Variants in ARHGAP10 observed in about 807,000 individuals in gnomAD.
ARHGAP10 encodes Rho GTPase activating protein 10.
In ARHGAP10, 87 loss-of-function variants were observed where a neutral mutation model predicts 108.6. The ratio of observed to expected loss-of-function variants is 0.80; its 90% CI spans 0.67 to 0.96. The LOEUF is 0.96. Among genes scored for constraint, ARHGAP10 ranks in the 40% least tolerant of loss-of-function variants. ARHGAP10 has a pLI of 0.00. For synonymous variants in ARHGAP10, 347 were observed against 341.1 expected, an observed-to-expected ratio of 1.02 and a Z score of -0.19; for missense variants, 939 against 954.5, an observed-to-expected ratio of 0.98 and a Z score of 0.21.
chr4:147,836,342 A>G (rs1733170075), intron 3 of ARHGAP10, among the ~76,000 whole-genome samples: 1 of 152,170 alleles, frequency 6.6e-6, no homozygotes, highest in South Asian at 2.1e-4. Context: ...CTTTAATAGG[A>G]CTAGGTTTCA....
intron 11 of ARHGAP10, among the ~76,000 whole-genome samples, chr4:147,908,968 A>G (rs1200209736): frequency 6.6e-6 from 1 of 152,126 alleles, no homozygotes; most frequent in Non-Finnish European, 1.5e-5. Flanking sequence ...AACACAGCGC[A>G]CTATCTGCCT....
intron 3 of ARHGAP10, among the ~76,000 whole-genome samples, chr4:147,828,971 C>G (rs1732834634): frequency 6.6e-6 from 1 of 151,762 alleles, no homozygotes; most frequent in African/African-American, 2.4e-5. Flanking sequence ...TTCTGGCTCC[C>G]AGGTTCAAGC....
In ARHGAP10 at chr4:147,911,853, G is replaced by A. The variant is rs542332439; in HGVS notation, c.1163-1221G>A. On this transcript the variant is annotated intron_variant, in intron 12 of 22. Coordinates refer to ENST00000336498, the MANE Select transcript of ARHGAP10 (RefSeq NM_024605.4). The stretch of plus-strand genomic sequence containing the variant: ...TAAAATATTATTTTAAAAGCTTGGA[G>A]CATGGTGTAAAATATCAAAATTTTA... Among the ~76,000 whole-genome samples the A allele has an allele frequency of 4.0e-5, 6 of 151,578 alleles. No homozygotes were observed. In the East Asian group the frequency reaches 9.7e-4, roughly 24 times the overall value.
At chr4:147,984,042 C>T (rs988604095) in intron 18 of ARHGAP10, among the ~76,000 whole-genome samples, 3 of 152,058 alleles carry the variant, frequency 2.0e-5, no homozygotes, top group African/African-American at 7.2e-5. Flanking sequence ...GGCTACGTTT[C>T]TGGGTATTTT....
intron 1 of ARHGAP10, among the ~76,000 whole-genome samples, chr4:147,753,917 A>C (rs976889208): frequency 7.9e-5 from 12 of 152,214 alleles, no homozygotes; most frequent in Admixed American, 2.6e-4. Flanking sequence ...CAAATTGAGC[A>C]AAGATGATGT....
intron 10 of ARHGAP10, among the ~76,000 whole-genome samples, chr4:147,901,317 G>A (rs1282583225): frequency 1.3e-5 from 2 of 152,218 alleles, no homozygotes; most frequent in Admixed American, 6.5e-5. Flanking sequence ...TTTGTGAGAG[G>A]GTGGGAACCC....
At chr4:148,055,038 A>G (rs964574006) in intron 20 of ARHGAP10, among the ~76,000 whole-genome samples, 26 of 152,280 alleles carry the variant, frequency 1.7e-4, no homozygotes, top group African/African-American at 5.3e-4. Flanking sequence ...TTTCTGTTCA[A>G]CTAGCAAGCT....
In ARHGAP10 at chr4:147,822,976, AAATT is replaced by A; in HGVS notation, c.312+23_312+26del. The stretch of plus-strand genomic sequence containing the variant: ...AATTATGGTGAGTTGAGAGGGGTGT[AAATT>A]AATAAGTCAGCTTTCAAGGGGGAAA... On this transcript the variant is annotated intron_variant, in intron 3 of 22. Coordinates refer to ENST00000336498, the MANE Select transcript of ARHGAP10 (RefSeq NM_024605.4). 1 of 1,603,454 alleles carries A rather than the reference AAATT, an allele frequency of 6.2e-7. No homozygotes were observed. Among genetic ancestry groups the A allele is most frequent in the Non-Finnish European group, 8.5e-7 (1 of 1,171,456 alleles).
chr4:147,980,338 A>G (rs1739766086), intron 18 of ARHGAP10, among the ~76,000 whole-genome samples: 1 of 152,124 alleles, frequency 6.6e-6, no homozygotes. Flanking sequence ...GGTAAATCAC[A>G]TTTATTGATT....
chr4:147,784,546 G>T (rs1402659293), intron 1 of ARHGAP10, among the ~76,000 whole-genome samples: 3 of 110,072 alleles, frequency 2.7e-5, no homozygotes, highest in South Asian at 2.6e-4. Context: ...ATATTTTATA[G>T]TATATATTAT....
At chr4:147,857,865 C>A in intron 5 of ARHGAP10, 1 of 274,230 alleles carries the variant, frequency 3.6e-6, no homozygotes, top group Non-Finnish European at 6.3e-6. Flanking sequence ...GCTATGGATT[C>A]ATAGTAGTAA....
At chr4:147,922,411 CG>C (rs1366918930) in intron 13 of ARHGAP10, among the ~76,000 whole-genome samples, 2 of 151,714 alleles carry the variant, frequency 1.3e-5, no homozygotes, top group Non-Finnish European at 2.9e-5. Flanking sequence ...AAAAGTTGGC[CG>C]GGCGCGGTGG....
At chr4:147,809,965 T>G (rs1731951309) in intron 1 of ARHGAP10, among the ~76,000 whole-genome samples, 1 of 152,244 alleles carries the variant, frequency 6.6e-6, no homozygotes, top group South Asian at 2.1e-4. Context: ...ATATGCTAAA[T>G]TTTAAGGTTG....
At chr4:147,864,759 C>A in intron 5 of ARHGAP10, 87 bp from the exon 6 acceptor site, 1 of 1,126,986 alleles carries the variant, frequency 8.9e-7, no homozygotes, top group Non-Finnish European at 1.3e-6. Context: ...CGTATTTTGG[C>A]CCATGGACCA....
In ARHGAP10 at chr4:147,915,020, C is replaced by T. The variant is rs143326383; in HGVS notation, c.1228+1881C>T. Reference sequence around the variant, plus strand: ...ATAAATGGAATATTTAATTCACTCTCATATATTCTGTATTCCAGTCCGACT... The same window carrying T: ...ATAAATGGAATATTTAATTCACTCTTATATATTCTGTATTCCAGTCCGACT... On this transcript the variant is annotated intron_variant, in intron 13 of 22. Coordinates refer to ENST00000336498, the MANE Select transcript of ARHGAP10 (RefSeq NM_024605.4). Among the ~76,000 whole-genome samples the T allele has an allele frequency of 3.5e-3, 533 of 152,286 alleles. 10 individuals are homozygous for T. Among genetic ancestry groups the T allele is most frequent in the Admixed American group, 0.031 (470 of 15,292 alleles).
intron 18 of ARHGAP10, among the ~76,000 whole-genome samples, chr4:148,001,948 G>A (rs376673726): frequency 2.8e-4 from 42 of 152,176 alleles, no homozygotes; most frequent in African/African-American, 5.3e-4. Context: ...TTCCAACACT[G>A]TGTTGAATAG....
chr4:147,831,031 C>T (rs1732936424), intron 3 of ARHGAP10, among the ~76,000 whole-genome samples: 1 of 152,214 alleles, frequency 6.6e-6, no homozygotes, highest in African/African-American at 2.4e-5. Flanking sequence ...AAGAAATGCA[C>T]ATTCTCAGGC....
rs529467851 is a variant in ARHGAP10 at position 147,787,680 on chromosome 4, C to T, written c.155-35047C>T. Among the ~76,000 whole-genome samples the T allele has an allele frequency of 3.3e-5, 5 of 152,298 alleles. No homozygotes were observed. The East Asian group carries it at 9.6e-4, about 29-fold the overall frequency. On this transcript the variant is annotated intron_variant, in intron 1 of 22. Transcript: ENST00000336498. ...CCACTGCCTTCGTGCTTCCCTGGCT[C>T]AGCCCTCACAACCAATTCCCCTGTT...
At chr4:147,862,793 C>T (rs1391964293) in intron 5 of ARHGAP10, 1 of 152,184 alleles carries the variant, frequency 6.6e-6, no homozygotes, top group Non-Finnish European at 1.5e-5. Context: ...CTTCAAGAGC[C>T]TTTGCAGTAA....
Sources: gnomAD v4.1 joint callset for allele counts (sites outside exome capture counted in the v4.1 genomes callset) on GRCh38, gnomAD v4.1.1 for gene constraint, MANE v1.5 for transcripts, NCBI Gene and HGNC (gene_info 2026-07-23, HGNC 2026-07-21) for gene names.